NAT1: variants seen among roughly 807,000 people sequenced by gnomAD.
The protein encoded by NAT1 is arylamine N-acetyltransferase 1.
For synonymous variants in NAT1, 144 were observed against 122.6 expected (o/e 1.17, Z -1.16); for missense variants, 400 against 339.2 (o/e 1.18, Z -1.41).
intron 1 of NAT1, among the ~76,000 whole-genome samples, chr8:18,216,373 T>C (rs1292579516): frequency 6.6e-6 from 1 of 152,160 alleles, no homozygotes; most frequent in East Asian, 1.9e-4. Context: ...CCCAAAAGCT[T>C]AGCGGCTGTC....
intron 2 of NAT1, among the ~76,000 whole-genome samples, chr8:18,200,098 G>A (rs1803399296): frequency 6.6e-6 from 1 of 152,200 alleles, no homozygotes; most frequent in Non-Finnish European, 1.5e-5. Context: ...TGGTGGGAAT[G>A]TAAGTTAGTT....
At chr8:18,217,225 T>A (rs879161994) in intron 1 of NAT1, among the ~76,000 whole-genome samples, 1 of 152,220 alleles carries the variant, frequency 6.6e-6, no homozygotes, top group Admixed American at 6.5e-5. Flanking sequence ...TACAACAGCC[T>A]GCCAGTCCCC....
Position 18,222,624 on chromosome 8 carries a change from ACTCTTAAGC to A in NAT1, c.581_589del (p.Leu194_Pro196del), listed in dbSNP as rs1210073833. 1 of 1,613,042 alleles carries A rather than the reference ACTCTTAAGC, an allele frequency of 6.2e-7. No homozygotes were observed. Among genetic ancestry groups the A allele is most frequent in the Admixed American group, 1.7e-5 (1 of 59,842 alleles). ...CAAATACCGAAAAATCTACTCCTTT[ACTCTTAAGC>A]CTCGAACAATTGAAGATTTTGAGTC... On this transcript the variant is annotated inframe_deletion, in exon 3 of 3. Coordinates refer to ENST00000307719, the MANE Select transcript of NAT1 (RefSeq NM_000662.8).
At chr8:18,220,234 A>C (rs1805143049) in intron 2 of NAT1, among the ~76,000 whole-genome samples, 1 of 152,240 alleles carries the variant, frequency 6.6e-6, no homozygotes, top group Non-Finnish European at 1.5e-5. Flanking sequence ...GCAATCTAAT[A>C]GATTTGGAGA....
upstream of NAT1, among the ~76,000 whole-genome samples, chr8:18,206,668 G>GT (rs1345578422): frequency 2.0e-5 from 3 of 152,198 alleles, no homozygotes; most frequent in Non-Finnish European, 2.9e-5. Context: ...GGGGTTGCTT[G>GT]TTTTTTTCTG....
Position 18,215,408 on chromosome 8 carries a change from C to T in NAT1, c.-85-4003C>T, listed in dbSNP as rs796877290. 4.6e-5 allele frequency among the ~76,000 whole-genome samples: 7 copies of T among 152,300 alleles called. 1 individual carries two copies. The highest frequency in any genetic ancestry group is 2.1e-4 in the South Asian group (1 of 4,822). On this transcript the variant is annotated intron_variant, in intron 1 of 2. Coordinates refer to ENST00000307719, the MANE Select transcript of NAT1 (RefSeq NM_000662.8). The stretch of plus-strand genomic sequence containing the variant: ...TAGTAGGAATATCAAGCTTTTCTGC[C>T]ACATAAGCAATGTGATACGATATTG...
intron 1 of NAT1, among the ~76,000 whole-genome samples, chr8:18,214,331 G>A (rs1426198889): frequency 2.0e-5 from 3 of 152,114 alleles, no homozygotes; most frequent in East Asian, 1.9e-4. Context: ...CATTTCTCAA[G>A]CTCTTTTATG....
intron 2 of NAT1, among the ~76,000 whole-genome samples, chr8:18,202,353 A>T (rs144598933): frequency 0.011 from 1,654 of 152,320 alleles, 39 homozygotes; most frequent in Admixed American, 0.052. Flanking sequence ...CAAGAGATTG[A>T]TCGTCTAAAG....
chr8:18,211,946 A>G (rs972868145), intron 1 of NAT1, among the ~76,000 whole-genome samples: 4 of 152,224 alleles, frequency 2.6e-5, no homozygotes, highest in South Asian at 4.1e-4. Flanking sequence ...TCAGTCCACA[A>G]TTGTACTTGT....
Position 18,222,295 on chromosome 8 carries a change from G to T in NAT1, c.248G>T (p.Gly83Val). 1 of 1,614,070 alleles carries T rather than the reference G, an allele frequency of 6.2e-7. No individual in the cohort carries two copies. Among genetic ancestry groups the T allele is most frequent in the Non-Finnish European group, 8.5e-7 (1 of 1,180,006 alleles). ...HLLYWALTTI[G>V]FETTMLGGYV... is the part of the protein sequence containing the mutation. ...CTGTACTGGGCTCTGACCACTATTG[G>T]TTTTGAGACCACGATGTTGGGAGGG... The change falls in exon 3 of 3, where the codon GGT (glycine) becomes GTT (valine). Residue 83 changes from glycine to valine, a missense_variant. Coordinates refer to ENST00000307719, the MANE Select transcript of NAT1 (RefSeq NM_000662.8).
rs116205073 is a variant in NAT1 at position 18,200,558 on chromosome 8, A to G, written n.93-9223A>G. On this transcript the variant is annotated intron_variant and non_coding_transcript_variant, in intron 2 of 4. Transcript: ENST00000517441. Reference sequence around the variant, plus strand: ...TAAGGGTAAAGGGTGGGAGGATGGTAAGGATTGAAAAACTACCTCTCAAGT... The same window carrying G: ...TAAGGGTAAAGGGTGGGAGGATGGTGAGGATTGAAAAACTACCTCTCAAGT... Among the ~76,000 whole-genome samples, 902 of 152,266 alleles carry G rather than the reference A, an allele frequency of 5.9e-3. 12 individuals carry two copies. Among genetic ancestry groups the G allele is most frequent in the African/African-American group, 0.021 (861 of 41,550 alleles).
intron 2 of NAT1, among the ~76,000 whole-genome samples, chr8:18,180,647 G>A (rs1397216250): frequency 6.6e-6 from 1 of 152,116 alleles, no homozygotes; most frequent in Non-Finnish European, 1.5e-5. Context: ...ATCTAAAACA[G>A]AGGCTTTTGA....
chr8:18,222,214 T>G lies in NAT1; in HGVS notation c.167T>G (p.Phe56Cys). Reference protein sequence around the residue: ...DAMDLGLEAIFDQVVRRNRGG... With the variant: ...DAMDLGLEAICDQVVRRNRGG... Reference sequence around the variant, plus strand: ...ATGGACTTAGGCTTAGAGGCCATTTTTGATCAAGTTGTGAGAAGAAATCGG... The same window carrying G: ...ATGGACTTAGGCTTAGAGGCCATTTGTGATCAAGTTGTGAGAAGAAATCGG... The change falls in exon 3 of 3, where the codon TTT (phenylalanine) becomes TGT (cysteine). Residue 56 changes from phenylalanine (F) to cysteine (C), a missense_variant. Coordinates refer to ENST00000307719, the MANE Select transcript of NAT1 (RefSeq NM_000662.8). The G allele has an allele frequency of 6.2e-7, 1 of 1,614,154 alleles. No individual in the cohort carries two copies. The highest frequency in any genetic ancestry group is 8.5e-7 in the Non-Finnish European group (1 of 1,180,006).
chr8:18,202,013 AACTC>A (rs1444763558), intron 2 of NAT1, among the ~76,000 whole-genome samples: 1 of 152,228 alleles, frequency 6.6e-6, no homozygotes, highest in Non-Finnish European at 1.5e-5. Flanking sequence ...GCCATTTTGA[AACTC>A]TTTGTAAATA....
intron 1 of NAT1, among the ~76,000 whole-genome samples, chr8:18,213,007 T>C (rs1475900376): frequency 1.3e-5 from 2 of 151,094 alleles, no homozygotes; most frequent in East Asian, 3.9e-4. Context: ...CGGGTTCAAG[T>C]GATTCTCCTG....
At position 18,222,700 on chromosome 8, in the gene NAT1, C is replaced by A. The variant is rs760427743; in HGVS notation, c.653C>A (p.Thr218Asn). 47 of 1,613,932 alleles carry A rather than the reference C, an allele frequency of 2.9e-5. 1 individual carries two copies. The South Asian group carries it at 5.1e-4, about 17-fold the overall frequency. ...CAGACATCTCCATCATCTGTGTTTA[C>A]TAGTAAATCATTTTGTTCCTTGCAG... ...YLQTSPSSVF[T>N]SKSFCSLQTP... Residue 218 changes from threonine to asparagine, a missense_variant, in exon 3 of 3, where the codon ACT becomes AAT. Thr to Asn is a moderately conservative substitution (Grantham distance 65, BLOSUM62 0). Transcript: ENST00000307719.
chr8:18,199,572 G>A (rs944808032), intron 2 of NAT1, among the ~76,000 whole-genome samples: 3 of 152,114 alleles, frequency 2.0e-5, no homozygotes, highest in Non-Finnish European at 4.4e-5. Context: ...ATCATTGGAA[G>A]GTTTGCCTTC....
At chr8:18,172,537 C>A (rs180786539) in intron 2 of NAT1, among the ~76,000 whole-genome samples, 1 of 152,282 alleles carries the variant, frequency 6.6e-6, no homozygotes, top group East Asian at 1.9e-4. Flanking sequence ...TGCTATTTCC[C>A]CTGGCCTGTG....
At chr8:18,172,430 C>A (rs1802132220) in intron 2 of NAT1, among the ~76,000 whole-genome samples, 1 of 152,212 alleles carries the variant, frequency 6.6e-6, no homozygotes, top group Non-Finnish European at 1.5e-5. Flanking sequence ...TGGGTTGATT[C>A]TTTCTCCATC....
Sources: gnomAD v4.1 joint callset for allele counts (sites outside exome capture counted in the v4.1 genomes callset) on GRCh38, gnomAD v4.1.1 for gene constraint, MANE v1.5 for transcripts, NCBI Gene and HGNC (gene_info 2026-07-23, HGNC 2026-07-21) for gene names.